The following NR2F1-AS1 variants were observed in gnomAD, a reference collection of about 807,000 sequenced individuals.
The protein encoded by NR2F1-AS1 is NR2F1 regulatory antisense RNA 1, also known as NR2F1 antisense RNA 1.
chr5:93,478,463 G>A (rs1750533233), intron 4 of NR2F1-AS1, among the ~76,000 whole-genome samples: 1 of 152,140 alleles, frequency 6.6e-6, no homozygotes, highest in African/African-American at 2.4e-5. Flanking sequence ...GAGTACGGTG[G>A]CACGATCTCG....
At chr5:93,569,242 A>C (rs2149925772) in intron 1 of NR2F1-AS1, among the ~76,000 whole-genome samples, 1 of 152,318 alleles carries the variant, frequency 6.6e-6, no homozygotes, top group South Asian at 2.1e-4. Context: ...AGAAGGGAGA[A>C]AATAGAAAAT....
chr5:93,585,540 T>A (rs1561523885), upstream of NR2F1-AS1: 2 of 1,381,028 alleles, frequency 1.4e-6, no homozygotes, highest in Non-Finnish European at 2.0e-6. Context: ...TCCCTGGCTC[T>A]TTCTTTCTTT....
At chr5:93,413,773 T>A (rs1410121309) in intron 4 of NR2F1-AS1, among the ~76,000 whole-genome samples, 6 of 152,194 alleles carry the variant, frequency 3.9e-5, no homozygotes, top group Non-Finnish European at 7.3e-5. Flanking sequence ...CTAAACTACA[T>A]CAGAATAGAC....
intron 4 of NR2F1-AS1, among the ~76,000 whole-genome samples, chr5:93,501,973 AC>A (rs1751090100): frequency 6.6e-6 from 1 of 152,178 alleles, no homozygotes; most frequent in Admixed American, 6.5e-5. Flanking sequence ...TTGATCAGTC[AC>A]CAGCCATCAA....
chr5:93,567,272 T>C (rs1180672168), intron 1 of NR2F1-AS1, among the ~76,000 whole-genome samples: 1 of 152,058 alleles, frequency 6.6e-6, no homozygotes, highest in African/African-American at 2.4e-5. Flanking sequence ...TTAGGGAAAA[T>C]TTTTATGGAA....
At chr5:93,563,844 TG>T (rs1479906436) in intron 1 of NR2F1-AS1, among the ~76,000 whole-genome samples, 2 of 151,988 alleles carry the variant, frequency 1.3e-5, no homozygotes, top group Non-Finnish European at 2.9e-5. Context: ...GGCTCATGCC[TG>T]TAATCCCAGC....
At chr5:93,477,165 A>C (rs1322986285) in intron 4 of NR2F1-AS1, among the ~76,000 whole-genome samples, 2 of 152,210 alleles carry the variant, frequency 1.3e-5, no homozygotes, top group Non-Finnish European at 2.9e-5. Context: ...GTATACAATG[A>C]AAATGTAGCA....
chr5:93,518,025 G>A (rs921828131), intron 4 of NR2F1-AS1, among the ~76,000 whole-genome samples: 1 of 152,018 alleles, frequency 6.6e-6, no homozygotes, highest in African/African-American at 2.4e-5. Flanking sequence ...TGATCTTGGG[G>A]CTTAAGCAAT....
At chr5:93,537,253 T>C (rs779982421) in intron 4 of NR2F1-AS1, among the ~76,000 whole-genome samples, 1 of 152,152 alleles carries the variant, frequency 6.6e-6, no homozygotes, top group Non-Finnish European at 1.5e-5. Flanking sequence ...ACAGGAATTT[T>C]TTAAATAAGA....
intron 4 of NR2F1-AS1, among the ~76,000 whole-genome samples, chr5:93,441,405 A>T (rs759957731): frequency 5.3e-5 from 8 of 152,188 alleles, no homozygotes; most frequent in Non-Finnish European, 1.2e-4. Flanking sequence ...CAAAGAAGAG[A>T]GACCTTCAAG....
At chr5:93,457,243 C>A (rs1268502397) in intron 4 of NR2F1-AS1, among the ~76,000 whole-genome samples, 1 of 152,166 alleles carries the variant, frequency 6.6e-6, no homozygotes, top group Non-Finnish European at 1.5e-5. Context: ...AAACCTTGGA[C>A]AATACCTGGC....
At chr5:93,527,538 A>C (rs2149898583) in intron 4 of NR2F1-AS1, among the ~76,000 whole-genome samples, 1 of 152,356 alleles carries the variant, frequency 6.6e-6, no homozygotes, top group South Asian at 2.1e-4. Flanking sequence ...TGTATAGCCA[A>C]GACAATCCTA....
intron 4 of NR2F1-AS1, among the ~76,000 whole-genome samples, chr5:93,493,170 G>A (rs1310781263): frequency 1.3e-5 from 2 of 152,064 alleles, no homozygotes; most frequent in Non-Finnish European, 2.9e-5. Flanking sequence ...ACCTACTAGT[G>A]CTAATAAGCA....
chr5:93,512,870 T>A (rs1213466899), intron 4 of NR2F1-AS1, among the ~76,000 whole-genome samples: 1 of 152,144 alleles, frequency 6.6e-6, no homozygotes, highest in African/African-American at 2.4e-5. Flanking sequence ...CCATGTAGGT[T>A]TGCGTAAGTA....
intron 4 of NR2F1-AS1, among the ~76,000 whole-genome samples, chr5:93,482,794 G>C (rs1750629938): frequency 6.6e-6 from 1 of 152,204 alleles, no homozygotes; most frequent in Non-Finnish European, 1.5e-5. Context: ...ACTGAGGCTT[G>C]AGTAGGCTCT....
At chr5:93,534,857 T>C (rs1751807193) in intron 4 of NR2F1-AS1, among the ~76,000 whole-genome samples, 1 of 152,192 alleles carries the variant, frequency 6.6e-6, no homozygotes, top group Non-Finnish European at 1.5e-5. Flanking sequence ...TTAGCAATAT[T>C]AGGCTAGGCA....
At chr5:93,415,879 A>G (rs1251016626) in intron 4 of NR2F1-AS1, among the ~76,000 whole-genome samples, 1 of 152,238 alleles carries the variant, frequency 6.6e-6, no homozygotes, top group Non-Finnish European at 1.5e-5. Flanking sequence ...CTTCTACAAA[A>G]ATAGCATGGA....
intron 4 of NR2F1-AS1, among the ~76,000 whole-genome samples, chr5:93,536,258 A>G (rs569766399): frequency 2.6e-5 from 4 of 152,338 alleles, no homozygotes; most frequent in African/African-American, 7.2e-5. Context: ...CCTACACTGC[A>G]AACTATAAAG....
intron 1 of NR2F1-AS1, among the ~76,000 whole-genome samples, chr5:93,572,643 G>A (rs1752799332): frequency 6.6e-6 from 1 of 152,212 alleles, no homozygotes; most frequent in African/African-American, 2.4e-5. Flanking sequence ...AACACCACCA[G>A]CGCCGTTATT....
Sources: gnomAD v4.1 joint callset for allele counts (sites outside exome capture counted in the v4.1 genomes callset) on GRCh38, gnomAD v4.1.1 for gene constraint, MANE v1.5 for transcripts, NCBI Gene and HGNC (gene_info 2026-07-23, HGNC 2026-07-21) for gene names.